The following ALK variants were observed in gnomAD, a reference collection of about 807,000 sequenced individuals.
The protein encoded by ALK is ALK receptor tyrosine kinase, also known as ALK tyrosine kinase receptor.
In ALK, 74 loss-of-function variants were observed where a neutral mutation model predicts 163.1. That is an observed-to-expected ratio of 0.45 (90% confidence interval 0.38 to 0.55). The LOEUF (loss-of-function observed/expected upper bound fraction) is 0.55, where lower values mean the gene tolerates loss of function less well. Ranked by LOEUF, ALK falls within the 20% of genes least tolerant of loss-of-function variation. The pLI, the probability that ALK is intolerant of heterozygous loss-of-function variation, is 0.00. For missense variants in ALK, 2,063 were observed against 2,105.3 expected (o/e 0.98, Z 0.39); for synonymous variants, 960 against 843.2 (o/e 1.14, Z -2.40).
At chr2:29,587,772 A>G (rs941088153) in intron 3 of ALK, among the ~76,000 whole-genome samples, 1 of 152,252 alleles carries the variant, frequency 6.6e-6, no homozygotes, top group Non-Finnish European at 1.5e-5. Context: ...GTTGTATTCA[A>G]TATTTTATGA....
intron 5 of ALK, among the ~76,000 whole-genome samples, chr2:29,346,924 C>T (rs1014223628): frequency 5.9e-5 from 9 of 152,186 alleles, no homozygotes; most frequent in African/African-American, 2.2e-4. Flanking sequence ...TCATTCCAAT[C>T]AGTGGGACAG....
intron 3 of ALK, among the ~76,000 whole-genome samples, chr2:29,645,791 C>A (rs968424480): frequency 6.6e-6 from 1 of 152,144 alleles, no homozygotes; most frequent in African/African-American, 2.4e-5. Context: ...CTTCCTTCAC[C>A]TGACTTCTGG....
intron 1 of ALK, among the ~76,000 whole-genome samples, chr2:29,824,265 G>T (rs1453027415): frequency 6.6e-6 from 1 of 152,238 alleles, no homozygotes; most frequent in African/African-American, 2.4e-5. Context: ...TGCAGGGGAA[G>T]GTCCCTCATG....
At chr2:29,760,111 C>T (rs192241049) in intron 1 of ALK, among the ~76,000 whole-genome samples, 10 of 152,296 alleles carry the variant, frequency 6.6e-5, no homozygotes, top group South Asian at 6.2e-4. Flanking sequence ...ATTCTGCCCT[C>T]GCTTTCAGGC....
intron 4 of ALK, among the ~76,000 whole-genome samples, chr2:29,460,376 A>G (rs1268286780): frequency 6.6e-6 from 1 of 152,168 alleles, no homozygotes; most frequent in Non-Finnish European, 1.5e-5. Flanking sequence ...GACATAAGTC[A>G]TATACACATG....
At chr2:29,627,730 A>AT (rs1284108048) in intron 3 of ALK, among the ~76,000 whole-genome samples, 16 of 152,254 alleles carry the variant, frequency 1.1e-4, no homozygotes, top group African/African-American at 3.4e-4. Context: ...ATTGAACTGT[A>AT]ATCTGGGCTT....
At chr2:29,669,604 A>G (rs184731070) in intron 3 of ALK, among the ~76,000 whole-genome samples, 40 of 152,156 alleles carry the variant, frequency 2.6e-4, no homozygotes, top group African/African-American at 7.9e-4. Flanking sequence ...ATTTAGTGTT[A>G]TTATTGATAA....
At chr2:29,632,351 GATTGT>G (rs1267315053) in intron 3 of ALK, among the ~76,000 whole-genome samples, 7 of 152,242 alleles carry the variant, frequency 4.6e-5, no homozygotes, top group African/African-American at 1.7e-4. Flanking sequence ...GCCCCAGTAT[GATTGT>G]ATTTGGAGAT....
intron 5 of ALK, among the ~76,000 whole-genome samples, chr2:29,350,453 C>G (rs1668082853): frequency 6.6e-6 from 1 of 152,148 alleles, no homozygotes; most frequent in Admixed American, 6.5e-5. Context: ...TGGGAAGATC[C>G]TTCCATTGAC....
At chr2:29,371,933 C>A (rs1280941621) in intron 5 of ALK, among the ~76,000 whole-genome samples, 1 of 152,186 alleles carries the variant, frequency 6.6e-6, no homozygotes, top group Non-Finnish European at 1.5e-5. Context: ...AAGAGTAAAG[C>A]CACCACTCAG....
intron 3 of ALK, among the ~76,000 whole-genome samples, chr2:29,601,205 G>C (rs965361509): frequency 5.3e-5 from 8 of 152,210 alleles, no homozygotes; most frequent in Non-Finnish European, 8.8e-5. Flanking sequence ...AGGGGCAAGA[G>C]AGCAGGAGCC....
chr2:29,727,702 A>G (rs1273868648), intron 1 of ALK, among the ~76,000 whole-genome samples: 2 of 152,224 alleles, frequency 1.3e-5, no homozygotes, highest in African/African-American at 2.4e-5. Flanking sequence ...CACCTGTATT[A>G]CTAAAATAAA....
intron 3 of ALK, among the ~76,000 whole-genome samples, chr2:29,659,258 C>T (rs528320219): frequency 1.3e-5 from 2 of 152,202 alleles, no homozygotes; most frequent in South Asian, 4.1e-4. Context: ...CCACTGGGAA[C>T]AATGCTACTT....
At chr2:29,761,995 G>A (rs1222661244) in intron 1 of ALK, among the ~76,000 whole-genome samples, 1 of 152,310 alleles carries the variant, frequency 6.6e-6, no homozygotes, top group East Asian at 1.9e-4. Flanking sequence ...ATGCAAATGA[G>A]AAACTATAAA....
chr2:29,837,318 G>A (rs1045792943), intron 1 of ALK, among the ~76,000 whole-genome samples: 3 of 152,156 alleles, frequency 2.0e-5, no homozygotes, highest in Admixed American at 1.3e-4. Flanking sequence ...TGGAGCTACT[G>A]AGGTGCCTGG....
Position 29,529,329 on chromosome 2 carries a change from G to A in ALK, c.1154+2586C>T, listed in dbSNP as rs76068431. Among the ~76,000 whole-genome samples, 502 of 152,274 alleles carry A rather than the reference G, an allele frequency of 3.3e-3. 2 individuals are homozygous for A. Among genetic ancestry groups the A allele is most frequent in the African/African-American group, 0.011 (462 of 41,564 alleles). ...TCCAAATAGTGGTCCCCAAACCACC[G>A]TCTCCTGTTATGAGAGGAAGCCAGC... On this transcript the variant is annotated intron_variant, in intron 4 of 28. Coordinates refer to ENST00000389048, the MANE Select transcript of ALK (RefSeq NM_004304.5).
At chr2:29,243,979 C>CTGTGAACCAT (rs144636328) in intron 12 of ALK, among the ~76,000 whole-genome samples, 5,231 of 152,264 alleles carry the variant, frequency 0.034, 277 homozygotes, top group African/African-American at 0.11. Flanking sequence ...GTATTAGAAA[C>CTGTGAACCAT]TGTTACCTGA....
intron 1 of ALK, among the ~76,000 whole-genome samples, chr2:29,723,112 A>G (rs554637255): frequency 1.8e-4 from 27 of 152,230 alleles, no homozygotes; most frequent in Middle Eastern, 3.4e-3. Context: ...ATAGCTTTCA[A>G]ATTTCTTGCC....
intron 9 of ALK, chr2:29,286,681 A>G (rs1430314195): frequency 6.6e-6 from 1 of 152,080 alleles, no homozygotes; most frequent in Non-Finnish European, 1.5e-5. Context: ...GGTGGGGGGA[A>G]ATTCTGAGGT....
Sources: allele counts gnomAD v4.1 joint callset (sites outside exome capture counted in the v4.1 genomes callset), GRCh38; gene constraint gnomAD v4.1.1; transcripts MANE v1.5; gene names NCBI Gene and HGNC (gene_info 2026-07-23, HGNC 2026-07-21).